The following ABI2 variants were observed in gnomAD, a reference collection of about 807,000 sequenced individuals.
ABI2 encodes abelson interactor 2.
Under a neutral mutation model 59.2 loss-of-function variants are expected in ABI2, and 25 were observed. The ratio of observed to expected loss-of-function variants is 0.42; its 90% confidence interval spans 0.31 to 0.59. The LOEUF is 0.59. Ranked by LOEUF, ABI2 falls within the 20% of genes least tolerant of loss-of-function variation. The pLI, the probability that ABI2 is intolerant of heterozygous loss-of-function variation, is 0.14. For synonymous variants in ABI2, 213 were observed against 235.5 expected (o/e 0.90, Z 0.87); for missense variants, 545 against 681.8 (o/e 0.80, Z 2.23).
rs547580134 is a variant in ABI2 at position 203,348,510 on chromosome 2, G to A, written c.118-18367G>A. ...TATGGTCAGTTATATGTTATATGTC[G>A]ACAAGATAATTAAAAGTAGATTTAT... On this transcript the variant is annotated intron_variant, in intron 1 of 11. Transcript: ENST00000261018. Among the ~76,000 whole-genome samples the A allele has an allele frequency of 2.6e-5, 4 of 152,178 alleles. No individual in the cohort carries two copies. The East Asian group carries it at 5.8e-4, about 22-fold the overall frequency.
At chr2:203,338,699 CAT>C (rs1470228675) in intron 1 of ABI2, among the ~76,000 whole-genome samples, 1 of 151,444 alleles carries the variant, frequency 6.6e-6, no homozygotes, top group African/African-American at 2.4e-5. Context: ...TAGAAGAAAA[CAT>C]AGGGGAAAAA....
At chr2:203,334,666 A>C (rs1420307822) in intron 1 of ABI2, among the ~76,000 whole-genome samples, 1 of 92,098 alleles carries the variant, frequency 1.1e-5, no homozygotes, top group Non-Finnish European at 2.6e-5. Context: ...GGCTAGTTGT[A>C]GATTTTTTTT....
rs79110796 is a variant in ABI2 at position 203,377,891 on chromosome 2, G to A, written c.286-2317G>A. On this transcript the variant is annotated intron_variant, in intron 2 of 11. Coordinates refer to ENST00000261018, the MANE Select transcript of ABI2 (RefSeq NM_001375670.1). The stretch of plus-strand genomic sequence containing the variant: ...AGTCCACTCCAGCCTGGGCGACAGA[G>A]TGAGATACTGTCTCATAAAAATAAA... 1.7e-3 allele frequency among the ~76,000 whole-genome samples: 253 copies of A among 152,310 alleles called. 9 individuals are homozygous for A. The East Asian group carries it at 0.047, about 28-fold the overall frequency.
At chr2:203,357,456 C>CT (rs35109897) in intron 1 of ABI2, among the ~76,000 whole-genome samples, 3 of 152,172 alleles carry the variant, frequency 2.0e-5, no homozygotes, top group African/African-American at 7.2e-5. Context: ...ACCTAGGTGA[C>CT]TTTATGTTCT....
chr2:203,371,878 CTT>C, intron 2 of ABI2, among the ~76,000 whole-genome samples: 1 of 151,782 alleles, frequency 6.6e-6, no homozygotes, highest in South Asian at 2.1e-4. Flanking sequence ...AACTAAAACT[CTT>C]ATCAGTTTGT....
intron 1 of ABI2, among the ~76,000 whole-genome samples, chr2:203,336,467 T>C (rs1199353991): frequency 1.3e-5 from 2 of 152,194 alleles, no homozygotes; most frequent in Non-Finnish European, 2.9e-5. Flanking sequence ...GGACCTTATG[T>C]GAAGCCCTTT....
At chr2:203,368,920 G>T (rs993051175) in intron 2 of ABI2, among the ~76,000 whole-genome samples, 1 of 150,204 alleles carries the variant, frequency 6.7e-6, no homozygotes, top group Non-Finnish European at 1.5e-5. Context: ...GGGCTCAAGG[G>T]ATCCTCCTGC....
intron 1 of ABI2, chr2:203,342,230 G>T (rs1292377698): frequency 8.8e-6 from 4 of 455,808 alleles, no homozygotes; most frequent in Non-Finnish European, 1.8e-5. Context: ...TGAGGTCAGT[G>T]GTAAGTAACT....
At chr2:203,411,193 CTCCTT>C in intron 9 of ABI2, 87 bp from the exon 10 acceptor site, 1 of 992,314 alleles carries the variant, frequency 1.0e-6, no homozygotes, top group Admixed American at 1.8e-5. Flanking sequence ...AGTAGTTTCC[CTCCTT>C]TATGTGTTTA....
chr2:203,368,076 C>T (rs570140507), intron 2 of ABI2, among the ~76,000 whole-genome samples: 1 of 152,160 alleles, frequency 6.6e-6, no homozygotes, highest in Non-Finnish European at 1.5e-5. Flanking sequence ...ATTTTGGGTT[C>T]TGCTTTTTTA....
At chr2:203,422,411 C>T (rs559269178) in intron 11 of ABI2, among the ~76,000 whole-genome samples, 3 of 152,224 alleles carry the variant, frequency 2.0e-5, no homozygotes, top group South Asian at 2.1e-4. Context: ...CTAACTGGGG[C>T]GGTGACTATG....
At chr2:203,399,160 A>C (rs888501581) in intron 8 of ABI2, among the ~76,000 whole-genome samples, 9 of 152,210 alleles carry the variant, frequency 5.9e-5, no homozygotes, top group African/African-American at 2.2e-4. Context: ...TTACACTCCC[A>C]GCAGCAATGT....
At chr2:203,391,647 C>G (rs2096744678) in intron 5 of ABI2, among the ~76,000 whole-genome samples, 1 of 151,882 alleles carries the variant, frequency 6.6e-6, no homozygotes, top group South Asian at 2.1e-4. Flanking sequence ...ATGGTGAAAC[C>G]CTGTCTCTAC....
intron 11 of ABI2, among the ~76,000 whole-genome samples, chr2:203,419,998 C>CAT (rs2098127875): frequency 6.6e-6 from 1 of 152,058 alleles, no homozygotes; most frequent in South Asian, 2.1e-4. Flanking sequence ...CCAAGAAAAA[C>CAT]ATGCTTTGAA....
At position 203,431,705 on chromosome 2, in the gene ABI2, A is replaced by AAAAC. The variant is rs1170439273; in HGVS notation, c.*4356_*4359dup. 1.3e-5 allele frequency: 2 copies of AAAAC among 151,952 alleles called. No individual in the cohort carries two copies. Among genetic ancestry groups the AAAAC allele is most frequent in the African/African-American group, 2.4e-5 (1 of 41,400 alleles). 9.4% of individuals were successfully genotyped at this position (151,952 alleles called of 1,614,324 possible). A position where few individuals can be genotyped will look rare whatever the true frequency, so the allele number is the denominator to read the frequency against. The stretch of plus-strand genomic sequence containing the variant: ...AATCTCATATAATTATTAAAAAAAA[A>AAAAC]AAACAATTAAAACGAAACGGCGGGG... On this transcript the variant is annotated 3_prime_UTR_variant, in exon 12 of 12. Coordinates refer to ENST00000261018, the MANE Select transcript of ABI2 (RefSeq NM_001375670.1).
At chr2:203,373,096 G>C (rs974190644) in intron 2 of ABI2, among the ~76,000 whole-genome samples, 1 of 152,180 alleles carries the variant, frequency 6.6e-6, no homozygotes. Context: ...CGGCACTTTG[G>C]GAGGCCAAGG....
chr2:203,380,173 C>A, intron 2 of ABI2, 35 bp from the exon 3 acceptor site: 2 of 1,367,706 alleles, frequency 1.5e-6, no homozygotes, highest in Non-Finnish European at 9.9e-7. Flanking sequence ...TAGAACTATA[C>A]ATTTTTGTGT....
At chr2:203,338,937 T>TATATATATATATATATATATAA (rs2077876185) in intron 1 of ABI2, among the ~76,000 whole-genome samples, 3 of 2,504 alleles carry the variant, frequency 1.2e-3, no homozygotes, top group African/African-American at 2.3e-3. Flanking sequence ...TGTATATGTA[T>TATATATATATATATATATATAA]ATATATATAT....
chr2:203,388,955 G>C (rs111976057), intron 4 of ABI2, among the ~76,000 whole-genome samples: 1 of 151,966 alleles, frequency 6.6e-6, no homozygotes, highest in Non-Finnish European at 1.5e-5. Context: ...TGTAGTTTTA[G>C]TGTTTGGTTC....
Sources: gnomAD v4.1 joint callset for allele counts (sites outside exome capture counted in the v4.1 genomes callset) on GRCh38, gnomAD v4.1.1 for gene constraint, MANE v1.5 for transcripts, NCBI Gene and HGNC (gene_info 2026-07-23, HGNC 2026-07-21) for gene names.